Variants in ZPR1 observed in about 807,000 individuals in gnomAD.
The protein encoded by ZPR1 is ZPR1 zinc finger.
A neutral mutation model predicts 59.6 loss-of-function variants in ZPR1; 37 were observed. The ratio of observed to expected loss-of-function variants is 0.62; its 90% CI spans 0.48 to 0.82. The LOEUF is 0.82. ZPR1 is among the 40% of genes least tolerant of loss of function. The pLI is 0.00. For synonymous variants in ZPR1, 191 were observed against 215.2 expected, an observed-to-expected ratio of 0.89 and a Z score of 0.99; for missense variants, 527 against 579.9, an observed-to-expected ratio of 0.91 and a Z score of 0.94.
At chr11:116,785,002 G>A (rs907045482) in intron 7 of ZPR1, 81 bp from the exon 8 acceptor site, 12 of 1,601,218 alleles carry the variant, frequency 7.5e-6, no homozygotes, top group African/African-American at 1.3e-5. Flanking sequence ...GTATGCTAGT[G>A]GTCATCTATG....
At chr11:116,785,024 G>T in intron 7 of ZPR1, 75 bp downstream of exon 7, 1 of 1,607,816 alleles carries the variant, frequency 6.2e-7, no homozygotes, top group South Asian at 1.1e-5. Context: ...TGGTGACAAG[G>T]AAGACAGATG....
rs867179404 is a variant in ZPR1 at position 116,785,426 on chromosome 11, C to T, written c.705+88G>A. ...AGCTGAGATAGGGCACACAGAGCAG[C>T]AGCAGCAAAATAAGTTCCACTGACT... On this transcript the variant is annotated intron_variant, in intron 6 of 13. Coordinates refer to ENST00000227322, the MANE Select transcript of ZPR1 (RefSeq NM_003904.5). 1.2e-5 allele frequency: 18 copies of T among 1,552,704 alleles called. 1 individual carries two copies. The highest frequency in any genetic ancestry group is 2.4e-4 in the Middle Eastern group (1 of 4,216).
chr11:116,784,354 T>C (rs1475588126), intron 9 of ZPR1, 24 bp downstream of exon 9: 1 of 1,612,996 alleles, frequency 6.2e-7, no homozygotes, highest in Non-Finnish European at 8.5e-7. Flanking sequence ...CTAGTCTTCT[T>C]CCCAAATAAT....
At chr11:116,787,776 C>T in intron 1 of ZPR1, 44 bp downstream of exon 1, 2 of 1,528,830 alleles carry the variant, frequency 1.3e-6, no homozygotes, top group Non-Finnish European at 1.8e-6. Context: ...CGTCCCGGCA[C>T]AAGCCCTACC....
Position 116,787,609 on chromosome 11 carries a change from A to C in ZPR1, c.206T>G (p.Phe69Cys), listed in dbSNP as rs1456670564. Residue 69 changes from phenylalanine to cysteine, a missense_variant, in exon 2 of 14, where the codon TTC becomes TGC. By Grantham distance (205) the Phe-to-Cys change is radical (BLOSUM62 -2). Transcript: ENST00000227322. Reference protein sequence around the residue: ...MTRLLLTKIPFFREIIVSSFS... With the variant: ...MTRLLLTKIPCFREIIVSSFS... ...GGAGCTCACTATTATTTCTCTGAAG[A>C]AGGGAATCTTGGTGAGCAGGAGGCG... 1 of 1,613,792 alleles carries C rather than the reference A, an allele frequency of 6.2e-7. No homozygotes were observed. The highest frequency in any genetic ancestry group is 8.5e-7 in the Non-Finnish European group (1 of 1,179,690).
chr11:116,779,894 G>A (rs1278207874), intron 12 of ZPR1, 57 bp from the exon 13 acceptor site: 8 of 704,888 alleles, frequency 1.1e-5, no homozygotes, highest in Non-Finnish European at 1.6e-5. Flanking sequence ...GTAAAAAGAG[G>A]CTATGTCGGG....
In ZPR1 at chr11:116,774,046, T is replaced by A. The variant is rs949009464; in HGVS notation, c.*4879A>T. 2 of 152,208 alleles carry A rather than the reference T, an allele frequency of 1.3e-5. No individual in the cohort carries two copies. The highest frequency in any genetic ancestry group is 2.9e-5 in the Non-Finnish European group (2 of 68,038). 9.4% of individuals were successfully genotyped at this position (152,208 alleles called of 1,614,324 possible). A position where few individuals can be genotyped will look rare whatever the true frequency, so the allele number is the denominator to read the frequency against. ...TCTTGAAATACCAGATCTTTTTACCTCATCATATATGTTAGATTGTCAGTT... is the reference window on the plus strand; with the variant it reads ...TCTTGAAATACCAGATCTTTTTACCACATCATATATGTTAGATTGTCAGTT... On this transcript the variant is annotated 3_prime_UTR_variant, in exon 14 of 14. Transcript: ENST00000227322.
chr11:116,781,775 A>G (rs7483863), intron 12 of ZPR1, among the ~76,000 whole-genome samples: 141,416 of 152,234 alleles, frequency 0.93, 65,935 homozygotes, highest in African/African-American at 0.98. Context: ...CACTTTGGGA[A>G]GCCCAGGCAG....
intron 12 of ZPR1, 30 bp from the exon 13 acceptor site, chr11:116,779,867 A>AT: frequency 7.9e-7 from 1 of 1,266,044 alleles, no homozygotes; most frequent in Non-Finnish European, 1.1e-6. Context: ...CAGCAAGTAA[A>AT]TTTTACATAA....
intron 8 of ZPR1, 47 bp downstream of exon 8, chr11:116,784,808 A>G (rs750989119): frequency 4.4e-6 from 7 of 1,591,254 alleles, no homozygotes; most frequent in South Asian, 2.2e-5. Flanking sequence ...TATAATCTTC[A>G]TGCCTGAGTC....
chr11:116,785,836 T>C lies in ZPR1; in HGVS notation c.542A>G (p.Lys181Arg), dbSNP rs771766329. The C allele has an allele frequency of 1.9e-6, 3 of 1,614,242 alleles. No homozygotes were observed. The highest frequency in any genetic ancestry group is 1.7e-5 in the Admixed American group (1 of 60,020). The part of the protein sequence containing the change: ...TAERIDEFIV[K>R]LKELKQVASP... ...GGCTACTTGCTTTAGCTCCTTCAGT[T>C]TGACAATGAACTCATCAATTCTTTC... The change falls in exon 5 of 14, where the codon AAA becomes AGA. Residue 181 changes from lysine to arginine, a missense_variant. Physicochemically the swap from Lys to Arg is conservative, Grantham distance 26. Transcript: ENST00000227322.
In ZPR1 at chr11:116,784,920, A is replaced by G; in HGVS notation, c.755T>C (p.Val252Ala). The G allele has an allele frequency of 1.9e-6, 3 of 1,614,188 alleles. No homozygotes were observed. Among genetic ancestry groups the G allele is most frequent in the Non-Finnish European group, 2.5e-6 (3 of 1,180,026 alleles). ...KPEEEDLRNE[V>A]LQFSTNCPEC... ...TGGGCAGTTTGTGCTGAACTGGAGCACCTGGAACACAACATGAGGACAAAG... is the reference window on the plus strand; with the variant it reads ...TGGGCAGTTTGTGCTGAACTGGAGCGCCTGGAACACAACATGAGGACAAAG... The change falls in exon 8 of 14, where the codon GTG becomes GCG. Residue 252 changes from valine to alanine, a missense_variant and splice_region_variant. Val to Ala is a moderately conservative substitution (Grantham distance 64). Coordinates refer to ENST00000227322, the MANE Select transcript of ZPR1 (RefSeq NM_003904.5).
In ZPR1 at chr11:116,774,479, A is replaced by G. The variant is rs1190986190; in HGVS notation, c.*4446T>C. On this transcript the variant is annotated 3_prime_UTR_variant, in exon 14 of 14. Coordinates refer to ENST00000227322, the MANE Select transcript of ZPR1 (RefSeq NM_003904.5). ...GAGTCAAAAAGGTCACTTTTTTAAT[A>G]TATTAGTCAAGCAGACAGGGCTATA... The G allele has an allele frequency of 6.6e-6, 1 of 152,126 alleles. No homozygotes were observed. The highest frequency in any genetic ancestry group is 1.5e-5 in the Non-Finnish European group (1 of 68,036). 9.4% of individuals were successfully genotyped at this position (152,126 alleles called of 1,614,324 possible).
At chr11:116,787,348 C>A in intron 2 of ZPR1, 134 bp downstream of exon 2, 8 of 935,112 alleles carry the variant, frequency 8.6e-6, no homozygotes, top group Non-Finnish European at 1.3e-5. Context: ...ACACCAGTAC[C>A]ATTTTACAAA....
intron 12 of ZPR1, among the ~76,000 whole-genome samples, 189 bp from the exon 13 acceptor site, chr11:116,780,026 C>G (rs1347411656): frequency 6.7e-6 from 1 of 149,880 alleles, no homozygotes; most frequent in Non-Finnish European, 1.5e-5. Context: ...CACATGTACC[C>G]TAGAACTTAA....
intron 10 of ZPR1, 36 bp downstream of exon 10, chr11:116,783,494 T>C (rs1940840169): frequency 6.5e-7 from 1 of 1,548,004 alleles, no homozygotes; most frequent in Non-Finnish European, 8.9e-7. Flanking sequence ...ATCTAACTTA[T>C]GAGGACAACA....
chr11:116,786,565 T>C lies in ZPR1; in HGVS notation c.441A>G (p.Glu147=), dbSNP rs753205669. Residue 147 remains glutamate (E), a synonymous_variant, in exon 4 of 14, where the codon GAA becomes GAG. Transcript: ENST00000227322. ...CAGAGATAGCACGGGTGATCAATCCTTCAACAGTGGTCAGAGCTTGTGAAC... is the reference window on the plus strand; with the variant it reads ...CAGAGATAGCACGGGTGATCAATCCCTCAACAGTGGTCAGAGCTTGTGAAC... ...FSQKGALTTV[E]GLITRAISGL... 14 of 1,614,088 alleles carry C rather than the reference T, an allele frequency of 8.7e-6. No homozygotes were observed. Among genetic ancestry groups the C allele is most frequent in the East Asian group, 2.2e-5 (1 of 44,894 alleles).
Position 116,782,187 on chromosome 11 carries a change from G to T in ZPR1, c.1150C>A (p.Leu384Ile). The T allele has an allele frequency of 6.2e-7, 1 of 1,614,132 alleles. No homozygotes were observed. Among genetic ancestry groups the T allele is most frequent in the South Asian group, 1.1e-5 (1 of 91,078 alleles). ...TCCATCTTCTGGCTAAACTCCTGTA[G>T]TCTCTCCGTCTGTCCAGGATTGGAA... Reference protein sequence around the residue: ...DSSNPGQTERLQEFSQKMDQI... With the variant: ...DSSNPGQTERIQEFSQKMDQI... Residue 384 changes from leucine (L) to isoleucine (I), a missense_variant, in exon 12 of 14, where the codon CTA (leucine) becomes ATA (isoleucine). Coordinates refer to ENST00000227322, the MANE Select transcript of ZPR1 (RefSeq NM_003904.5).
At chr11:116,784,521 C>T in intron 8 of ZPR1, 73 bp from the exon 9 acceptor site, 1 of 1,383,040 alleles carries the variant, frequency 7.2e-7, no homozygotes, top group Non-Finnish European at 1.0e-6. Context: ...AAAGCCAAAC[C>T]CCACACAAAC....
Sources: gnomAD v4.1 joint callset for allele counts (sites outside exome capture counted in the v4.1 genomes callset) on GRCh38, gnomAD v4.1.1 for gene constraint, MANE v1.5 for transcripts, NCBI Gene and HGNC (gene_info 2026-07-23, HGNC 2026-07-21) for gene names.